CDC20B: variants seen among roughly 807,000 people sequenced by gnomAD.
The protein encoded by CDC20B is cell division cycle protein 20 homolog B.
CDC20B carries 58 observed loss-of-function variants against 64.1 expected under a neutral mutation model. That is an observed-to-expected ratio of 0.90 (90% CI 0.73 to 1.13). The LOEUF (loss-of-function observed/expected upper bound fraction) is 1.13, where lower values mean the gene tolerates loss of function less well. CDC20B is among the 50% of genes most tolerant of loss of function. The probability of loss-of-function intolerance (pLI) is 0.00; values close to 1 mark genes in which losing one functional copy is unlikely to be tolerated. For synonymous variants in CDC20B, 243 were observed against 230.6 expected (o/e 1.05, Z -0.49); for missense variants, 597 against 633.0 (o/e 0.94, Z 0.61).
In CDC20B at chr5:55,114,498, C is replaced by T. The variant is rs1201400077; in HGVS notation, c.1460-180G>A. 6.6e-6 allele frequency among the ~76,000 whole-genome samples: 1 copy of T among 152,220 alleles called. No homozygotes were observed. The highest frequency in any genetic ancestry group is 2.4e-5 in the African/African-American group (1 of 41,440). ...GCTGGGAGACAGCAGTCAGGGCCGACTGGGACAGTTTTCTCCCTCAGTGCT... is the reference window on the plus strand; with the variant it reads ...GCTGGGAGACAGCAGTCAGGGCCGATTGGGACAGTTTTCTCCCTCAGTGCT... On this transcript the variant is annotated intron_variant, in intron 11 of 11. Transcript: ENST00000381375. The surrounding 1 kb of genome is among the most constrained non-coding windows in gnomAD (Gnocchi z 4.1).
intron 2 of CDC20B, among the ~76,000 whole-genome samples, chr5:55,159,409 G>A (rs1454362380): frequency 6.6e-6 from 1 of 152,152 alleles, no homozygotes; most frequent in African/African-American, 2.4e-5. Flanking sequence ...TGCAACAGGT[G>A]GGGGTGCATC....
At chr5:55,124,249 C>G (rs1742821977) in intron 9 of CDC20B, among the ~76,000 whole-genome samples, 2 of 152,202 alleles carry the variant, frequency 1.3e-5, no homozygotes, top group African/African-American at 4.8e-5. Context: ...GTGCCCATCT[C>G]TCTGGCCACA....
chr5:55,114,113 T>A lies in CDC20B; in HGVS notation c.*105A>T. On this transcript the variant is annotated 3_prime_UTR_variant, in exon 12 of 12. Coordinates refer to ENST00000381375, the MANE Select transcript of CDC20B (RefSeq NM_001170402.1). This position sits in a 1 kb window ranked among gnomAD's most constrained non-coding sequence, Gnocchi z 4.1. ...GAACAGGCATTCACATCAAGAAGAG[T>A]ATTTCAACTTGTTTGATACTCATAA... 1 of 1,448,988 alleles carries A rather than the reference T, an allele frequency of 6.9e-7. No individual in the cohort carries two copies. Among genetic ancestry groups the A allele is most frequent in the Non-Finnish European group, 9.1e-7 (1 of 1,095,384 alleles). 89.8% of individuals were successfully genotyped at this position (1,448,988 alleles called of 1,614,324 possible).
intron 6 of CDC20B, among the ~76,000 whole-genome samples, chr5:55,132,376 G>A (rs867355547): frequency 5.9e-5 from 9 of 152,002 alleles, no homozygotes; most frequent in South Asian, 2.1e-4. Context: ...TCTGACCTAC[G>A]GGCTAGTCCA....
chr5:55,124,550 C>T (rs189516308), intron 9 of CDC20B, among the ~76,000 whole-genome samples: 3 of 152,172 alleles, frequency 2.0e-5, no homozygotes, highest in Admixed American at 2.0e-4. Flanking sequence ...TCCAAAGTTA[C>T]ATGAAAAAAA....
In CDC20B at chr5:55,135,409, G is replaced by A. The variant is rs112510692; in HGVS notation, c.581-1881C>T. On this transcript the variant is annotated intron_variant, in intron 5 of 11. Transcript: ENST00000381375. Reference sequence around the variant, plus strand: ...CTTGTTGCTGTTTAGGACAAAAGACGAGGGAGCTGAGGAAAGACATGTCCC... The same window carrying A: ...CTTGTTGCTGTTTAGGACAAAAGACAAGGGAGCTGAGGAAAGACATGTCCC... Among the ~76,000 whole-genome samples, 285 of 152,234 alleles carry A rather than the reference G, an allele frequency of 1.9e-3. 2 individuals carry two copies. In the Middle Eastern group the frequency reaches 0.02, roughly 11 times the overall value.
At chr5:55,159,999 T>G (rs1743945912) in intron 2 of CDC20B, 1 of 551,776 alleles carries the variant, frequency 1.8e-6, no homozygotes, top group African/African-American at 1.9e-5. Flanking sequence ...ACAAATACTT[T>G]GAAATTCTGT....
chr5:55,146,285 C>T (rs766100242), intron 3 of CDC20B, among the ~76,000 whole-genome samples: 6 of 152,204 alleles, frequency 3.9e-5, no homozygotes, highest in Non-Finnish European at 7.3e-5. Context: ...GCCAATCAGG[C>T]CGGCTCCTAC....
chr5:55,122,801 G>C (rs928391816), intron 9 of CDC20B, among the ~76,000 whole-genome samples: 1 of 152,154 alleles, frequency 6.6e-6, no homozygotes, highest in Non-Finnish European at 1.5e-5. Flanking sequence ...ATTACAAGAA[G>C]GAGCATGCCC....
At position 55,146,762 on chromosome 5, in the gene CDC20B, G is replaced by A; in HGVS notation, c.221C>T (p.Thr74Ile). Residue 74 changes from threonine to isoleucine, a missense_variant, in exon 3 of 12, where the codon ACC (threonine) becomes ATC (isoleucine). Around this residue, in one of 3 missense-constraint regions of CDC20B, gnomAD observed 241 missense variants for 219.2 expected, o/e 1.10. Transcript: ENST00000381375. ...AGTTTGACTTTGCTGCCACCTTGTG[G>A]TAATGGGGCTACTCGCAACAGGAAC... is the stretch of plus-strand genomic sequence containing the variant. ...AEVPVASSPI[T>I]TRWQQSQTRA... 1 of 1,614,096 alleles carries A rather than the reference G, an allele frequency of 6.2e-7. No homozygotes were observed. Among genetic ancestry groups the A allele is most frequent in the Non-Finnish European group, 8.5e-7 (1 of 1,180,008 alleles).
chr5:55,158,695 T>C (rs951741328), intron 2 of CDC20B, among the ~76,000 whole-genome samples: 48 of 152,304 alleles, frequency 3.2e-4, no homozygotes, highest in African/African-American at 1.1e-3. Context: ...AATGGCATAA[T>C]GCCCCTTCAT....
intron 1 of CDC20B, 35 bp from the exon 2 acceptor site, chr5:55,172,685 C>G: frequency 6.8e-7 from 1 of 1,470,462 alleles, no homozygotes; most frequent in African/African-American, 1.4e-5. Context: ...GAGGGAGAAA[C>G]TATTTAGGAA....
intron 4 of CDC20B, among the ~76,000 whole-genome samples, chr5:55,142,382 A>G (rs959990311): frequency 6.6e-6 from 1 of 152,176 alleles, no homozygotes; most frequent in Non-Finnish European, 1.5e-5. Context: ...AGCTTCCATT[A>G]TCCCCTGCCC....
intron 2 of CDC20B, among the ~76,000 whole-genome samples, chr5:55,151,084 G>A (rs575693449): frequency 3.8e-4 from 58 of 152,050 alleles, no homozygotes; most frequent in African/African-American, 1.2e-3. Context: ...ATTTCTCTCC[G>A]CTAAGAAAAA....
At chr5:55,143,392 A>G (rs1743381905) in intron 4 of CDC20B, 121 bp downstream of exon 4, 1 of 1,005,002 alleles carries the variant, frequency 1.0e-6, no homozygotes, top group Admixed American at 3.3e-5. Flanking sequence ...ATTTTTTATC[A>G]GGAATGCATC....
rs193166318 is a variant in CDC20B at position 55,168,899 on chromosome 5, A to C, written c.126+3689T>G. On this transcript the variant is annotated intron_variant, in intron 2 of 11. Coordinates refer to ENST00000381375, the MANE Select transcript of CDC20B (RefSeq NM_001170402.1). ...TGTTCACTATTTGGGTGATAGGTTC[A>C]CTAGAAGCCCAAACCCCAGCATCGC... Among the ~76,000 whole-genome samples the C allele has an allele frequency of 1.8e-3, 274 of 152,330 alleles. 2 individuals are homozygous for C. In the Middle Eastern group the frequency reaches 0.02, roughly 11 times the overall value.
At chr5:55,143,443 C>G in intron 4 of CDC20B, 70 bp downstream of exon 4, 1 of 1,462,912 alleles carries the variant, frequency 6.8e-7, no homozygotes, top group Non-Finnish European at 9.1e-7. Flanking sequence ...CAACTCTTCC[C>G]TTACATTTGC....
chr5:55,140,492 C>G, intron 4 of CDC20B, 85 bp from the exon 5 acceptor site: 18 of 832,188 alleles, frequency 2.2e-5, no homozygotes, highest in Non-Finnish European at 3.0e-5. Flanking sequence ...AGAATTACAA[C>G]TGGTAATTCA....
rs74763420 is a variant in CDC20B, at chr5:55,139,615, T to C, written c.580+699A>G. On this transcript the variant is annotated intron_variant, in intron 5 of 11. Coordinates refer to ENST00000381375, the MANE Select transcript of CDC20B (RefSeq NM_001170402.1). The stretch of plus-strand genomic sequence containing the variant: ...TACTAGAAAAGAAGCATAATTATAT[T>C]ATTTGGCTTGATAGTGAATAATAGT... Among the ~76,000 whole-genome samples, 60 of 152,338 alleles carry C rather than the reference T, an allele frequency of 3.9e-4. 1 individual carries two copies. In the East Asian group the frequency reaches 0.011, roughly 29 times the overall value.
Sources: gnomAD v4.1 joint callset for allele counts (sites outside exome capture counted in the v4.1 genomes callset) on GRCh38, gnomAD v4.1.1 for gene constraint, gnomAD v4.1.1 regional missense constraint, Gnocchi (gnomAD v3.1) non-coding constraint, MANE v1.5 for transcripts, NCBI Gene and HGNC (gene_info 2026-07-23, HGNC 2026-07-21) for gene names.